Variants in CFAP221 observed in about 807,000 individuals in gnomAD.
CFAP221 encodes cilia and flagella associated protein 221, also known as cilia- and flagella-associated protein 221.
In CFAP221, 97 loss-of-function variants were observed where a neutral mutation model predicts 113.1. That is an observed-to-expected ratio of 0.86 (90% CI 0.73 to 1.02). The LOEUF (loss-of-function observed/expected upper bound fraction) is 1.02. Among genes scored for constraint, CFAP221 ranks in the 50% least tolerant of loss-of-function variants. The pLI is 0.00. For synonymous variants in CFAP221, 331 were observed against 354.4 expected, an observed-to-expected ratio of 0.93 and a Z score of 0.74; for missense variants, 1,025 against 1,013.4, an observed-to-expected ratio of 1.01 and a Z score of -0.16.
intron 7 of CFAP221, among the ~76,000 whole-genome samples, chr2:119,597,129 C>T (rs527926720): frequency 1.3e-5 from 2 of 152,290 alleles, no homozygotes; most frequent in South Asian, 4.1e-4. Flanking sequence ...ATTGAGAAGG[C>T]CACATTTATA....
chr2:119,656,126 T>G lies in CFAP221; in HGVS notation c.2415-236T>G, dbSNP rs1688419210. The G allele has an allele frequency of 1.5e-5, 7 of 478,550 alleles. No individual in the cohort carries two copies. The South Asian group carries it at 1.7e-4, about 12-fold the overall frequency. 29.6% of individuals were successfully genotyped at this position (478,550 alleles called of 1,614,324 possible). On this transcript the variant is annotated intron_variant, in intron 23 of 23. Coordinates refer to ENST00000413369, the MANE Select transcript of CFAP221 (RefSeq NM_001271049.2). ...TCAGGAAACAGGGGCTGTGGATTCTTGGGTAACTTGCCCATGCTCAGAAAC... is the reference window on the plus strand; with the variant it reads ...TCAGGAAACAGGGGCTGTGGATTCTGGGGTAACTTGCCCATGCTCAGAAAC...
At position 119,608,591 on chromosome 2, in the gene CFAP221, T is replaced by C; in HGVS notation, c.1221+2T>C. 1 of 1,604,468 alleles carries C rather than the reference T, an allele frequency of 6.2e-7. No individual in the cohort carries two copies. The highest frequency in any genetic ancestry group is 8.5e-7 in the Non-Finnish European group (1 of 1,172,792). ...CAAAAAGCATGTGCCAAATATAAGG[T>C]CAGAGTTACTGCTAATTTGCTATCA... On this transcript the variant is annotated splice_donor_variant, in intron 12 of 23. Transcript: ENST00000413369. LOFTEE classifies it high-confidence loss of function.
intron 6 of CFAP221, among the ~76,000 whole-genome samples, chr2:119,578,141 T>C (rs901930021): frequency 2.6e-5 from 4 of 152,198 alleles, no homozygotes; most frequent in African/African-American, 4.8e-5. Flanking sequence ...TACAACATGG[T>C]GACAAGGCTC....
intron 7 of CFAP221, among the ~76,000 whole-genome samples, chr2:119,592,381 G>C (rs933922700): frequency 6.6e-6 from 1 of 152,194 alleles, no homozygotes; most frequent in Non-Finnish European, 1.5e-5. Context: ...CTTCAACTGT[G>C]TGCCTCACCT....
rs375218514 is a variant in CFAP221, at chr2:119,605,340, G to A, written c.1133+51G>A. 3.6e-6 allele frequency: 5 copies of A among 1,373,088 alleles called. No individual in the cohort carries two copies. The South Asian group carries it at 6.0e-5, about 17-fold the overall frequency. The allele number at this position is 1,373,088 out of a possible 1,614,324, so 85.1% of individuals were successfully genotyped here. Reference sequence around the variant, plus strand: ...CAAGTGTCAGTACAGTTATTTTTAGGTGATGATCTTTTATAAATGAGAGAC... The same window carrying A: ...CAAGTGTCAGTACAGTTATTTTTAGATGATGATCTTTTATAAATGAGAGAC... On this transcript the variant is annotated intron_variant, in intron 11 of 23. Transcript: ENST00000413369.
chr2:119,594,886 A>G (rs1248365420), intron 7 of CFAP221, among the ~76,000 whole-genome samples: 3 of 152,226 alleles, frequency 2.0e-5, no homozygotes, highest in Non-Finnish European at 4.4e-5. Flanking sequence ...GCATGAGGGC[A>G]CAAAGTTGGG....
At chr2:119,615,501 CAAAT>C in intron 13 of CFAP221, 106 bp from the exon 14 acceptor site, 3 of 825,136 alleles carry the variant, frequency 3.6e-6, no homozygotes, top group South Asian at 1.9e-5. Flanking sequence ...AGCAATACAA[CAAAT>C]AAATAACAAC....
chr2:119,603,893 C>G (rs1367438706), intron 8 of CFAP221, among the ~76,000 whole-genome samples: 2 of 152,126 alleles, frequency 1.3e-5, no homozygotes, highest in Non-Finnish European at 2.9e-5. Context: ...ATAGCTTCTG[C>G]GGGCTATTAG....
chr2:119,639,055 C>A (rs370417019), intron 20 of CFAP221, among the ~76,000 whole-genome samples: 17 of 152,208 alleles, frequency 1.1e-4, no homozygotes, highest in East Asian at 5.8e-4. Context: ...CTCCCCCATT[C>A]CCCTCATCTA....
intron 3 of CFAP221, chr2:119,555,971 T>C (rs1006538331): frequency 6.6e-6 from 1 of 152,260 alleles, no homozygotes; most frequent in Admixed American, 6.5e-5. Flanking sequence ...GACTTTGTTT[T>C]CTAAAGTGTA....
chr2:119,618,678 A>G (rs1685687893), intron 14 of CFAP221, among the ~76,000 whole-genome samples: 1 of 152,298 alleles, frequency 6.6e-6, no homozygotes, highest in South Asian at 2.1e-4. Context: ...GCAGACACCA[A>G]GCCAGCTGCA....
chr2:119,591,534 A>C (rs1203749643), intron 7 of CFAP221, among the ~76,000 whole-genome samples: 2 of 152,266 alleles, frequency 1.3e-5, no homozygotes, highest in African/African-American at 4.8e-5. Flanking sequence ...TGCTAAGCAC[A>C]TCACATGCAC....
chr2:119,559,545 G>T (rs1681069658), intron 3 of CFAP221, 144 bp from the exon 4 acceptor site: 1 of 670,998 alleles, frequency 1.5e-6, no homozygotes, highest in Non-Finnish European at 2.5e-6. Context: ...TTTAAATGGT[G>T]TATGATGTAT....
intron 6 of CFAP221, among the ~76,000 whole-genome samples, chr2:119,584,453 G>C (rs1055116937): frequency 2.6e-5 from 4 of 152,070 alleles, no homozygotes; most frequent in African/African-American, 9.7e-5. Flanking sequence ...TAGGTATGGT[G>C]ATGCACACCT....
intron 6 of CFAP221, among the ~76,000 whole-genome samples, chr2:119,567,361 A>C (rs1476409636): frequency 6.6e-6 from 1 of 152,190 alleles, no homozygotes; most frequent in Non-Finnish European, 1.5e-5. Context: ...TATAGTTGGA[A>C]TCATATAGTA....
chr2:119,639,419 GC>G (rs1430602154), intron 20 of CFAP221, among the ~76,000 whole-genome samples: 3 of 152,200 alleles, frequency 2.0e-5, no homozygotes, highest in Non-Finnish European at 4.4e-5. Flanking sequence ...CAGCTCTCCT[GC>G]CTGGAGTGCT....
At chr2:119,568,496 C>T (rs1681803276) in intron 6 of CFAP221, among the ~76,000 whole-genome samples, 1 of 152,110 alleles carries the variant, frequency 6.6e-6, no homozygotes, top group Non-Finnish European at 1.5e-5. Flanking sequence ...CCCGTGCCCC[C>T]CACCTCCCGA....
At chr2:119,635,877 C>G (rs548272049) in intron 19 of CFAP221, among the ~76,000 whole-genome samples, 1 of 152,234 alleles carries the variant, frequency 6.6e-6, no homozygotes, top group African/African-American at 2.4e-5. Context: ...CAAGCACTAA[C>G]AGTGCAGTTG....
At chr2:119,656,220 C>G in intron 23 of CFAP221, 142 bp from the exon 24 acceptor site, 1 of 630,176 alleles carries the variant, frequency 1.6e-6, no homozygotes, top group Non-Finnish European at 2.9e-6. Context: ...GGTAAGTAAA[C>G]TATCACTAAC....
Sources: allele counts gnomAD v4.1 joint callset (sites outside exome capture counted in the v4.1 genomes callset), GRCh38; gene constraint gnomAD v4.1.1; transcripts MANE v1.5; gene names NCBI Gene and HGNC (gene_info 2026-07-23, HGNC 2026-07-21).